Variants in DCHS2 observed in about 807,000 individuals in gnomAD.
DCHS2 encodes the protein dachsous cadherin-related 2, also known as protocadherin-23.
DCHS2 carries 142 observed loss-of-function variants against 182.4 expected under a neutral mutation model. The ratio of observed to expected loss-of-function variants is 0.78; its 90% CI spans 0.68 to 0.89. DCHS2 has a LOEUF of 0.89. Among genes scored for constraint, DCHS2 ranks in the 40% least tolerant of loss-of-function variants. The pLI, the probability that DCHS2 is intolerant of heterozygous loss-of-function variation, is 0.00. For synonymous variants in DCHS2, 1,740 were observed against 1,663.3 expected, an observed-to-expected ratio of 1.05 and a Z score of -1.12; for missense variants, 4,319 against 4,198.6, an observed-to-expected ratio of 1.03 and a Z score of -0.79.
At chr4:154,477,583 T>C (rs1735739496) in intron 1 of DCHS2, among the ~76,000 whole-genome samples, 1 of 152,198 alleles carries the variant, frequency 6.6e-6, no homozygotes, top group African/African-American at 2.4e-5. Context: ...ATGAGTAACA[T>C]AATCAGATTT....
In DCHS2 at chr4:154,406,336, C is replaced by T. The variant is rs566539736; in HGVS notation, c.2053-28892G>A. The stretch of plus-strand genomic sequence containing the variant: ...AAGAACACTGCTCCTCAAACTATGC[C>T]TCATTTTGCTGCAATTAGAAAGGCG... On this transcript the variant is annotated intron_variant, in intron 1 of 19. Coordinates refer to ENST00000357232, the MANE Select transcript of DCHS2 (RefSeq NM_001358235.2). Among the ~76,000 whole-genome samples, 3 of 152,354 alleles carry T rather than the reference C, an allele frequency of 2.0e-5. No individual in the cohort carries two copies. The South Asian group carries it at 6.2e-4, about 32-fold the overall frequency.
chr4:154,268,713 T>C (rs1440805441), intron 14 of DCHS2, among the ~76,000 whole-genome samples: 1 of 152,164 alleles, frequency 6.6e-6, no homozygotes. Flanking sequence ...CTTACATGTT[T>C]CAACATACCA....
At chr4:154,455,429 A>G (rs1734722883) in intron 1 of DCHS2, among the ~76,000 whole-genome samples, 1 of 152,254 alleles carries the variant, frequency 6.6e-6, no homozygotes, top group Non-Finnish European at 1.5e-5. Context: ...TGTCTTTAAC[A>G]TACATTTTGT....
At chr4:154,322,737 A>G (rs1736114044) in intron 7 of DCHS2, 2 of 406,746 alleles carry the variant, frequency 4.9e-6, no homozygotes, top group East Asian at 1.0e-4. Context: ...CCTAGCTTCA[A>G]CAATGATCAG....
chr4:154,234,699 C>T lies in DCHS2; in HGVS notation c.9953G>A (p.Gly3318Asp), dbSNP rs1443588653. 1 of 1,613,746 alleles carries T rather than the reference C, an allele frequency of 6.2e-7. No homozygotes were observed. The highest frequency in any genetic ancestry group is 1.7e-5 in the Admixed American group (1 of 59,970). ...GGGAGTCATGCCTTCTGGCAGAGAA[C>T]CAAGATGGTAGGGGATGGGAGAGCG... ...HPRSPIPYHL[G>D]SLPEGMTPNF... is the part of the protein sequence containing the mutation. Residue 3318 changes from glycine (G) to aspartate (D), a missense_variant, in exon 20 of 20, where the codon GGT becomes GAT. Transcript: ENST00000357232.
intron 12 of DCHS2, among the ~76,000 whole-genome samples, chr4:154,299,834 G>A (rs181463518): frequency 6.6e-6 from 1 of 152,156 alleles, no homozygotes; most frequent in African/African-American, 2.4e-5. Flanking sequence ...CAGTCTAAAA[G>A]GAAAGGCTGG....
At position 154,263,845 on chromosome 4, in the gene DCHS2, C is replaced by T. The variant is rs115166100; in HGVS notation, c.6578-4089G>A. Among the ~76,000 whole-genome samples, 442 of 152,162 alleles carry T rather than the reference C, an allele frequency of 2.9e-3. 2 individuals carry two copies. The highest frequency in any genetic ancestry group is 0.01 in the African/African-American group (426 of 41,534). ...AGCATCAAAGTCACCCATATGATCA[C>T]AGAAGGATTACAATCTGCAGCAACG... On this transcript the variant is annotated intron_variant, in intron 14 of 19. Transcript: ENST00000357232.
intron 15 of DCHS2, 37 bp downstream of exon 15, chr4:154,259,505 CACA>C: frequency 2.6e-6 from 4 of 1,512,070 alleles, no homozygotes; most frequent in African/African-American, 1.5e-5. Context: ...CACACCCACA[CACA>C]CACACACACA....
At chr4:154,465,875 A>C (rs891750669) in intron 1 of DCHS2, among the ~76,000 whole-genome samples, 1 of 152,120 alleles carries the variant, frequency 6.6e-6, no homozygotes, top group Non-Finnish European at 1.5e-5. Context: ...ATACAATCAA[A>C]GGTAACCAGG....
At chr4:154,338,916 T>C (rs1197573391) in intron 3 of DCHS2, among the ~76,000 whole-genome samples, 1 of 152,150 alleles carries the variant, frequency 6.6e-6, no homozygotes, top group Non-Finnish European at 1.5e-5. Context: ...AGCAAACCAA[T>C]GGGATCTCTC....
At chr4:154,255,735 C>T in intron 15 of DCHS2, 65 bp from the exon 16 acceptor site, 1 of 1,489,642 alleles carries the variant, frequency 6.7e-7, no homozygotes, top group Non-Finnish European at 9.0e-7. Flanking sequence ...GTCTGTTTTT[C>T]AGAGACATGC....
chr4:154,349,165 G>C (rs7664709), intron 3 of DCHS2, among the ~76,000 whole-genome samples: 1 of 151,976 alleles, frequency 6.6e-6, no homozygotes, highest in Admixed American at 6.5e-5. Context: ...ATGTGTTCCA[G>C]TGAGCTGAGC....
intron 1 of DCHS2, among the ~76,000 whole-genome samples, chr4:154,442,541 C>CCA (rs70947167): frequency 1.5e-3 from 75 of 50,252 alleles, no homozygotes; most frequent in African/African-American, 1.9e-3. Context: ...CCCCCCCCCC[C>CCA]CACACACACA....
At chr4:154,442,539 C>CATA (rs1224840595) in intron 1 of DCHS2, among the ~76,000 whole-genome samples, 2 of 80,784 alleles carry the variant, frequency 2.5e-5, no homozygotes, top group African/African-American at 8.0e-5. Flanking sequence ...ACCCCCCCCC[C>CATA]CCCACACACA....
At chr4:154,489,234 T>G in intron 1 of DCHS2, 70 bp downstream of exon 1, 2 of 1,286,772 alleles carry the variant, frequency 1.6e-6, no homozygotes, top group Non-Finnish European at 2.1e-6. Context: ...CACAATTTCC[T>G]AGGCCAACTC....
intron 17 of DCHS2, among the ~76,000 whole-genome samples, chr4:154,241,782 AAT>A (rs1373811968): frequency 6.6e-6 from 1 of 152,190 alleles, no homozygotes; most frequent in Non-Finnish European, 1.5e-5. Context: ...ATCAAATGAA[AAT>A]ATATCAAATA....
chr4:154,491,229 T>A lies in DCHS2; in HGVS notation c.127A>T (p.Thr43Ser). 6.4e-7 allele frequency: 1 copy of A among 1,551,422 alleles called. No homozygotes were observed. Among genetic ancestry groups the A allele is most frequent in the South Asian group, 1.2e-5 (1 of 84,040 alleles). The change falls in exon 1 of 20, where the codon ACG (threonine) becomes TCG (serine). Residue 43 changes from threonine to serine, a missense_variant. Coordinates refer to ENST00000357232, the MANE Select transcript of DCHS2 (RefSeq NM_001358235.2). ...AAGAGCCAGAGCAGGGAGCGCTGCG[T>A]CCTGGCGCCGCTGCTGCCTGACCGC... ...HGRSGSSGAR[T>S]QRSLLWLLVH...
chr4:154,322,853 C>T (rs563926682), intron 7 of DCHS2: 1 of 241,824 alleles, frequency 4.1e-6, no homozygotes, highest in East Asian at 9.6e-5. Flanking sequence ...GTATATATTT[C>T]AAAATGCATC....
chr4:154,437,679 T>C (rs1226258005), intron 1 of DCHS2, among the ~76,000 whole-genome samples: 1 of 152,346 alleles, frequency 6.6e-6, no homozygotes, highest in South Asian at 2.1e-4. Flanking sequence ...TCGTTGAATC[T>C]GGCTTACTTT....
Sources: allele counts gnomAD v4.1 joint callset (sites outside exome capture counted in the v4.1 genomes callset), GRCh38; gene constraint gnomAD v4.1.1; transcripts MANE v1.5; gene names NCBI Gene and HGNC (gene_info 2026-07-23, HGNC 2026-07-21).